The following TMEM230 variants were observed in gnomAD, a reference collection of about 807,000 sequenced individuals.
The protein encoded by TMEM230 is transmembrane protein 230.
Under a neutral mutation model 15.8 loss-of-function variants are expected in TMEM230, and 10 were observed. The ratio of observed to expected loss-of-function variants is 0.63; its 90% CI spans 0.39 to 1.07. TMEM230 has a LOEUF of 1.07. Among genes scored for constraint, TMEM230 ranks in the 50% least tolerant of loss-of-function variants. The pLI, the probability that TMEM230 is intolerant of heterozygous loss-of-function variation, is 0.01. For missense variants in TMEM230, 165 were observed against 193.3 expected, an observed-to-expected ratio of 0.85 and a Z score of 0.87; for synonymous variants, 67 against 76.9, an observed-to-expected ratio of 0.87 and a Z score of 0.68.
chr20:5,069,872 G>C (rs186868328), intron 3 of TMEM230, among the ~76,000 whole-genome samples: 1 of 152,210 alleles, frequency 6.6e-6, no homozygotes, highest in Admixed American at 6.5e-5. Flanking sequence ...ACCACATCTG[G>C]CTAATGTTTG....
At chr20:5,073,223 G>A (rs1039980043) in intron 3 of TMEM230, among the ~76,000 whole-genome samples, 3 of 152,116 alleles carry the variant, frequency 2.0e-5, no homozygotes, top group Non-Finnish European at 1.5e-5. Context: ...AAATCCCAGC[G>A]CTTACACAAC....
chr20:5,064,516 C>T (rs1339521670), downstream of TMEM230, among the ~76,000 whole-genome samples: 2 of 151,982 alleles, frequency 1.3e-5, no homozygotes, highest in African/African-American at 4.8e-5. Flanking sequence ...GTGGAGGTTG[C>T]GGTGAGCCAA....
At chr20:5,099,450 C>T (rs1185375171), downstream of TMEM230, among the ~76,000 whole-genome samples, 1 of 151,478 alleles carries the variant, frequency 6.6e-6, no homozygotes, top group African/African-American at 2.4e-5. Flanking sequence ...AGGTCACCCT[C>T]TCTTTGTCCC....
At chr20:5,059,697 C>T in the TMEM230 span, among the ~76,000 whole-genome samples, 1 of 151,238 alleles carries the variant, frequency 6.6e-6, no homozygotes, top group African/African-American at 2.4e-5. Flanking sequence ...GCAGCCTCAA[C>T]CCCCACTCAG....
chr20:5,093,336 C>T (rs2089564065), intron 3 of TMEM230, among the ~76,000 whole-genome samples: 1 of 152,026 alleles, frequency 6.6e-6, no homozygotes, highest in African/African-American at 2.4e-5. Flanking sequence ...CAACCTCCAC[C>T]TCCTGGGCTC....
chr20:5,101,504 C>T (rs1259566393), intron 4 of TMEM230, among the ~76,000 whole-genome samples: 1 of 152,056 alleles, frequency 6.6e-6, no homozygotes, highest in Admixed American at 6.6e-5. Flanking sequence ...TCACTGCAAC[C>T]TCGACTTCCC....
chr20:5,099,247 T>TA (rs2089762330), downstream of TMEM230, among the ~76,000 whole-genome samples: 7 of 95,842 alleles, frequency 7.3e-5, no homozygotes, highest in South Asian at 4.9e-4. Flanking sequence ...AATCAATCAA[T>TA]AATAAATAAA....
chr20:5,072,422 C>CA (rs1180174895), intron 3 of TMEM230, among the ~76,000 whole-genome samples: 1 of 152,112 alleles, frequency 6.6e-6, no homozygotes, highest in Non-Finnish European at 1.5e-5. Context: ...GTGATGGTTC[C>CA]AGGGAAGGAT....
At chr20:5,112,507 G>A (rs2090366929) in intron 1 of TMEM230, among the ~76,000 whole-genome samples, 1 of 152,212 alleles carries the variant, frequency 6.6e-6, no homozygotes, top group Admixed American at 6.5e-5. Flanking sequence ...TCGCAGGGGC[G>A]TGAGGGAGAG....
intron 3 of TMEM230, chr20:5,069,380 C>G: frequency 6.6e-7 from 1 of 1,513,716 alleles, no homozygotes; most frequent in Non-Finnish European, 8.8e-7. Flanking sequence ...CTCAATTCCA[C>G]CACAAGTTCT....
intron 3 of TMEM230, among the ~76,000 whole-genome samples, chr20:5,091,045 C>T (rs1270266724): frequency 6.6e-6 from 1 of 152,140 alleles, no homozygotes; most frequent in Non-Finnish European, 1.5e-5. Context: ...GTCACCCAGG[C>T]TGAAGTGCAG....
At chr20:5,103,431 T>C (rs946806767) in intron 4 of TMEM230, among the ~76,000 whole-genome samples, 1 of 151,754 alleles carries the variant, frequency 6.6e-6, no homozygotes, top group Non-Finnish European at 1.5e-5. Flanking sequence ...ACCACTGTAC[T>C]CCTGGACTGC....
At chr20:5,072,682 C>G (rs180916283) in intron 3 of TMEM230, among the ~76,000 whole-genome samples, 1 of 151,872 alleles carries the variant, frequency 6.6e-6, no homozygotes, top group African/African-American at 2.4e-5. Flanking sequence ...AACCCTGTCT[C>G]TACTAAAAAT....
intron 3 of TMEM230, among the ~76,000 whole-genome samples, chr20:5,106,881 T>A (rs1049932780): frequency 6.6e-6 from 1 of 151,876 alleles, no homozygotes; most frequent in Non-Finnish European, 1.5e-5. Flanking sequence ...AATTTTTAAA[T>A]TTTTCTGTAG....
downstream of TMEM230, among the ~76,000 whole-genome samples, chr20:5,099,218 ATAAATAAATAAATAAAT>A (rs1308990187): frequency 4.2e-4 from 41 of 97,222 alleles, no homozygotes; most frequent in East Asian, 0.013. Flanking sequence ...AAATAAATAA[ATAAATAAATAAATAAAT>A]CAATCAATCA....
chr20:5,073,393 G>A (rs1453816618), intron 3 of TMEM230, among the ~76,000 whole-genome samples: 1 of 152,200 alleles, frequency 6.6e-6, no homozygotes, highest in Non-Finnish European at 1.5e-5. Flanking sequence ...CCTGCCCTGG[G>A]GCTTGGCTTT....
Position 5,076,676 on chromosome 20 carries a change from CTTT to C in TMEM230, c.223-7330_223-7328del, listed in dbSNP as rs763498321. On this transcript the variant is annotated intron_variant, in intron 3 of 3. Transcript: ENST00000612323. ...CTGTTTATATTCTTGGATTGATATT[CTTT>C]TTTTTTTTTTTTTTTTGAGACAGAG... Among the ~76,000 whole-genome samples the C allele has an allele frequency of 4.0e-4, 51 of 127,460 alleles. 2 individuals carry two copies. Among genetic ancestry groups the C allele is most frequent in the African/African-American group, 1.5e-3 (48 of 32,264 alleles). 83.6% of individuals were successfully genotyped at this position (127,460 alleles called of 152,430 possible).
chr20:5,093,488 G>C (rs1222529752), intron 3 of TMEM230, among the ~76,000 whole-genome samples: 1 of 151,962 alleles, frequency 6.6e-6, no homozygotes, highest in African/African-American at 2.4e-5. Flanking sequence ...CAATCTGCCT[G>C]CCTCAGCCTC....
At chr20:5,077,101 T>G (rs905218247) in intron 3 of TMEM230, among the ~76,000 whole-genome samples, 1 of 151,150 alleles carries the variant, frequency 6.6e-6, no homozygotes, top group Non-Finnish European at 1.5e-5. Context: ...AGCCCAGGAG[T>G]TCGAGATCAG....
Sources: allele counts gnomAD v4.1 joint callset (sites outside exome capture counted in the v4.1 genomes callset), GRCh38; gene constraint gnomAD v4.1.1; transcripts MANE v1.5; gene names NCBI Gene and HGNC (gene_info 2026-07-23, HGNC 2026-07-21).